The following MYO3B variants were observed in gnomAD, a reference collection of about 807,000 sequenced individuals.
MYO3B encodes the protein myosin-IIIb.
A neutral mutation model predicts 174.6 loss-of-function variants in MYO3B; 156 were observed. The observed-to-expected ratio is 0.89, with a 90% CI of 0.78 to 1.02. MYO3B has a LOEUF of 1.02. Ranked by LOEUF, MYO3B falls within the 50% of genes least tolerant of loss-of-function variation. The pLI is 0.00. For missense variants in MYO3B, 1,632 were observed against 1,639.4 expected (o/e 1.00, Z 0.08); for synonymous variants, 563 against 569.1 (o/e 0.99, Z 0.15).
chr2:170,379,384 G>A (rs1305241860), intron 9 of MYO3B, among the ~76,000 whole-genome samples: 6 of 151,994 alleles, frequency 3.9e-5, no homozygotes, highest in Non-Finnish European at 8.8e-5. Context: ...TGGTAGAGAC[G>A]GGATTTCACC....
At chr2:170,239,989 C>T (rs1267546315) in intron 7 of MYO3B, among the ~76,000 whole-genome samples, 1 of 152,184 alleles carries the variant, frequency 6.6e-6, no homozygotes, top group Non-Finnish European at 1.5e-5. Flanking sequence ...TTTTCCTTGG[C>T]TTGTGGCAGT....
intron 9 of MYO3B, among the ~76,000 whole-genome samples, chr2:170,374,930 C>T (rs933140914): frequency 6.6e-6 from 1 of 152,038 alleles, no homozygotes; most frequent in Non-Finnish European, 1.5e-5. Flanking sequence ...TTAAGTTTTT[C>T]CAGTAAATTA....
chr2:170,369,508 C>T (rs550322599), intron 9 of MYO3B, 131 bp downstream of exon 9: 5 of 1,006,632 alleles, frequency 5.0e-6, no homozygotes, highest in South Asian at 1.9e-5. Context: ...ATTTACATGA[C>T]ATTAAGTACT....
chr2:170,392,566 T>C, intron 16 of MYO3B, 71 bp downstream of exon 16: 1 of 1,029,386 alleles, frequency 9.7e-7, no homozygotes, highest in Non-Finnish European at 1.4e-6. Context: ...ATGTGGTATT[T>C]CTCACTTGGG....
At chr2:170,372,236 A>G (rs1289637032) in intron 9 of MYO3B, among the ~76,000 whole-genome samples, 1 of 151,784 alleles carries the variant, frequency 6.6e-6, no homozygotes, top group Non-Finnish European at 1.5e-5. Context: ...TTTCTCTTCC[A>G]AAGTTTCTTC....
At chr2:170,558,008 T>C (rs552672601) in intron 32 of MYO3B, among the ~76,000 whole-genome samples, 1 of 152,110 alleles carries the variant, frequency 6.6e-6, no homozygotes, top group East Asian at 1.9e-4. Context: ...AAAAAAAAAT[T>C]CTTAAAACGG....
chr2:170,519,263 C>T (rs114021309), intron 29 of MYO3B, among the ~76,000 whole-genome samples, 175 bp from the exon 30 acceptor site: 1,663 of 152,062 alleles, frequency 0.011, 15 homozygotes, highest in Middle Eastern at 0.02. Flanking sequence ...TGGAACAAGA[C>T]CTGGAATCGA....
At chr2:170,601,906 T>G (rs1349181111) in intron 32 of MYO3B, 17 of 848,456 alleles carry the variant, frequency 2.0e-5, no homozygotes, top group Non-Finnish European at 3.3e-5. Flanking sequence ...TGGGCAATAC[T>G]CAGAGCAGAA....
At chr2:170,361,423 T>C (rs1202818774) in intron 8 of MYO3B, among the ~76,000 whole-genome samples, 1 of 152,196 alleles carries the variant, frequency 6.6e-6, no homozygotes, top group African/African-American at 2.4e-5. Context: ...GAGAAGGTGA[T>C]GACTTGGGGC....
At chr2:170,445,007 A>T (rs538663477) in intron 23 of MYO3B, among the ~76,000 whole-genome samples, 1 of 152,216 alleles carries the variant, frequency 6.6e-6, no homozygotes, top group South Asian at 2.1e-4. Context: ...AGTTGCTGCA[A>T]ACTCTGAATC....
At chr2:170,502,381 A>T (rs1462052529) in intron 28 of MYO3B, among the ~76,000 whole-genome samples, 1 of 152,194 alleles carries the variant, frequency 6.6e-6, no homozygotes, top group Non-Finnish European at 1.5e-5. Context: ...ATCACAGAGG[A>T]GGAATCACTC....
chr2:170,532,193 C>G (rs77722096), intron 30 of MYO3B, among the ~76,000 whole-genome samples: 2 of 152,116 alleles, frequency 1.3e-5, no homozygotes, highest in Non-Finnish European at 2.9e-5. Flanking sequence ...AATTTAATCA[C>G]GAGGAAACAG....
rs192133731 is a variant in MYO3B at position 170,210,252 on chromosome 2, C to T, written c.322-4127C>T. ...TGAATTTAGTCAATCTGTTCACACACTGAATTTTTGCAATATTAATTTTTA... is the reference window on the plus strand; with the variant it reads ...TGAATTTAGTCAATCTGTTCACACATTGAATTTTTGCAATATTAATTTTTA... On this transcript the variant is annotated intron_variant, in intron 3 of 34. Coordinates refer to ENST00000408978, the MANE Select transcript of MYO3B (RefSeq NM_138995.5). Among the ~76,000 whole-genome samples the T allele has an allele frequency of 4.2e-3, 640 of 152,306 alleles. 6 individuals carry two copies. The highest frequency in any genetic ancestry group is 7.6e-3 in the Non-Finnish European group (517 of 68,012).
intron 6 of MYO3B, among the ~76,000 whole-genome samples, chr2:170,235,354 A>G (rs1394019973): frequency 6.6e-6 from 1 of 152,230 alleles, no homozygotes; most frequent in Admixed American, 6.5e-5. Flanking sequence ...TCCTCAACCC[A>G]ATGACAAGCC....
Position 170,402,908 on chromosome 2 carries a change from G to A in MYO3B, c.2190G>A (p.Gln730=), listed in dbSNP as rs775203387. ...ATATCTTTGGATTCGAGAATTTTCA[G>A]AGAAATTCATTTGAGCAGCTCTGCA... The part of the protein sequence containing the change: ...ILDIFGFENF[Q]RNSFEQLCIN... Residue 730 remains glutamine, a synonymous_variant, in exon 19 of 35, where the codon CAG becomes CAA. Coordinates refer to ENST00000408978, the MANE Select transcript of MYO3B (RefSeq NM_138995.5). The A allele has an allele frequency of 1.9e-5, 30 of 1,612,180 alleles. No individual in the cohort carries two copies. The highest frequency in any genetic ancestry group is 2.5e-5 in the Non-Finnish European group (30 of 1,178,610).
intron 32 of MYO3B, among the ~76,000 whole-genome samples, chr2:170,618,010 T>A (rs1005622064): frequency 3.3e-5 from 5 of 152,152 alleles, no homozygotes; most frequent in African/African-American, 1.2e-4. Flanking sequence ...ATGAGAGCCC[T>A]GATATCAAGT....
Position 170,219,548 on chromosome 2 carries a change from G to A in MYO3B, c.603+2153G>A, listed in dbSNP as rs980767091. 3.9e-5 allele frequency among the ~76,000 whole-genome samples: 6 copies of A among 152,036 alleles called. No individual in the cohort carries two copies. The East Asian group carries it at 7.7e-4, about 20-fold the overall frequency. ...AATTCCAGCTACTCTGGAGGTTGAGGCAGGAGAATTGTTTGAACCCGGGAG... is the reference window on the plus strand; with the variant it reads ...AATTCCAGCTACTCTGGAGGTTGAGACAGGAGAATTGTTTGAACCCGGGAG... On this transcript the variant is annotated intron_variant, in intron 6 of 34. Coordinates refer to ENST00000408978, the MANE Select transcript of MYO3B (RefSeq NM_138995.5).
intron 32 of MYO3B, among the ~76,000 whole-genome samples, chr2:170,551,710 A>G (rs1452917481): frequency 6.6e-6 from 1 of 152,160 alleles, no homozygotes; most frequent in Non-Finnish European, 1.5e-5. Context: ...TATTAATCAT[A>G]TACTTTTTCT....
chr2:170,203,997 A>G (rs2092690986), intron 3 of MYO3B, among the ~76,000 whole-genome samples: 1 of 152,148 alleles, frequency 6.6e-6, no homozygotes, highest in Non-Finnish European at 1.5e-5. Context: ...TTCAATAAGG[A>G]TGTGCCCCAG....
Sources: gnomAD v4.1 joint callset for allele counts (sites outside exome capture counted in the v4.1 genomes callset) on GRCh38, gnomAD v4.1.1 for gene constraint, MANE v1.5 for transcripts, NCBI Gene and HGNC (gene_info 2026-07-23, HGNC 2026-07-21) for gene names.